Variants in EPB41L2 observed in about 807,000 individuals in gnomAD.
EPB41L2 encodes the protein band 4.1-like protein 2.
A neutral mutation model predicts 113.0 loss-of-function variants in EPB41L2; 43 were observed. That is an observed-to-expected ratio of 0.38 (90% confidence interval 0.30 to 0.49). The LOEUF is 0.49. EPB41L2 is among the 20% of genes least tolerant of loss of function. The pLI is 0.95. For missense variants in EPB41L2, 1,147 were observed against 1,223.4 expected, an observed-to-expected ratio of 0.94 and a Z score of 0.93; for synonymous variants, 442 against 436.7, an observed-to-expected ratio of 1.01 and a Z score of -0.15.
intron 5 of EPB41L2, among the ~76,000 whole-genome samples, chr6:130,905,131 GTA>G (rs1215361325): frequency 6.6e-6 from 1 of 152,022 alleles, no homozygotes; most frequent in African/African-American, 2.4e-5. Flanking sequence ...AAGTATATTC[GTA>G]TATAACATAC....
chr6:130,880,227 C>A, intron 12 of EPB41L2, 21 bp from the exon 13 acceptor site: 3 of 1,576,006 alleles, frequency 1.9e-6, no homozygotes, highest in Non-Finnish European at 1.7e-6. Flanking sequence ...AAATCACACA[C>A]AGGGGGGAAA....
chr6:130,947,177 T>A (rs1333341807), intron 3 of EPB41L2, among the ~76,000 whole-genome samples: 3 of 152,090 alleles, frequency 2.0e-5, no homozygotes, highest in Admixed American at 6.6e-5. Flanking sequence ...TCAGTTTTAA[T>A]CTTCTCATCC....
intron 1 of EPB41L2, among the ~76,000 whole-genome samples, chr6:130,971,773 C>A (rs139064575): frequency 9.9e-4 from 151 of 152,274 alleles, no homozygotes; most frequent in African/African-American, 3.4e-3. Context: ...TAAGGGGAGG[C>A]CTACTGTACA....
At chr6:130,976,894 C>T (rs895971639) in intron 1 of EPB41L2, among the ~76,000 whole-genome samples, 2 of 152,110 alleles carry the variant, frequency 1.3e-5, no homozygotes, top group Non-Finnish European at 2.9e-5. Flanking sequence ...AAAGTTCTTG[C>T]CCACAAGAAT....
At chr6:131,020,124 G>A (rs1465486593) in intron 1 of EPB41L2, among the ~76,000 whole-genome samples, 1 of 151,872 alleles carries the variant, frequency 6.6e-6, no homozygotes, top group Non-Finnish European at 1.5e-5. Context: ...AATCTGAGAT[G>A]GTAAATATTT....
intron 4 of EPB41L2, among the ~76,000 whole-genome samples, chr6:130,925,566 T>C (rs1462392940): frequency 1.3e-5 from 2 of 152,142 alleles, no homozygotes; most frequent in Non-Finnish European, 2.9e-5. Flanking sequence ...TACTGAATTG[T>C]CCCTCTACTT....
rs3777451 is a variant in EPB41L2 at position 130,912,479 on chromosome 6, G to A, written c.811-3616C>T. On this transcript the variant is annotated intron_variant, in intron 4 of 19. Coordinates refer to ENST00000337057, the MANE Select transcript of EPB41L2 (RefSeq NM_001431.4). ...ACTCGGGGTAGCAAGGATCCAAGGTGTACATGGCTCTGTTCTAACACTGGT... is the reference window on the plus strand; with the variant it reads ...ACTCGGGGTAGCAAGGATCCAAGGTATACATGGCTCTGTTCTAACACTGGT... Among the ~76,000 whole-genome samples, 3,002 of 152,256 alleles carry A rather than the reference G, an allele frequency of 0.02. 192 individuals carry two copies. In the East Asian group the frequency reaches 0.26, roughly 13 times the overall value.
At chr6:130,934,794 TTC>T (rs1808200007) in intron 3 of EPB41L2, among the ~76,000 whole-genome samples, 1 of 135,778 alleles carries the variant, frequency 7.4e-6, no homozygotes, top group African/African-American at 3.2e-5. Flanking sequence ...TCTTTTTGTT[TTC>T]TTTTTTTTTT....
intron 1 of EPB41L2, among the ~76,000 whole-genome samples, chr6:131,000,387 A>G (rs974803246): frequency 6.6e-6 from 1 of 152,098 alleles, no homozygotes; most frequent in African/African-American, 2.4e-5. Flanking sequence ...CCCCTCAAAT[A>G]TAATTTGTAA....
intron 15 of EPB41L2, 112 bp from the exon 16 acceptor site, chr6:130,867,693 C>T (rs759010281): frequency 4.4e-6 from 6 of 1,371,624 alleles, no homozygotes; most frequent in Middle Eastern, 2.0e-4. Context: ...CACTCATGCA[C>T]AAAAGAAAAG....
At chr6:131,051,961 G>A (rs1158055393) in intron 1 of EPB41L2, among the ~76,000 whole-genome samples, 1 of 149,834 alleles carries the variant, frequency 6.7e-6, no homozygotes, top group Non-Finnish European at 1.5e-5. Flanking sequence ...TTTTGAGACG[G>A]AGTCTTACTC....
chr6:131,020,359 A>G (rs1360225321), intron 1 of EPB41L2, among the ~76,000 whole-genome samples: 4 of 151,832 alleles, frequency 2.6e-5, no homozygotes, highest in Non-Finnish European at 5.9e-5. Context: ...TTTTCATTTA[A>G]TATGTCTGTA....
intron 19 of EPB41L2, among the ~76,000 whole-genome samples, chr6:130,850,803 G>A (rs1778571568): frequency 6.6e-6 from 1 of 152,206 alleles, no homozygotes; most frequent in Non-Finnish European, 1.5e-5. Flanking sequence ...ACTACTGCCT[G>A]GTCTTAATGT....
rs745805908 is a variant in EPB41L2, at chr6:130,869,680, G to A, written c.2490C>T (p.His830=). 27 of 1,613,968 alleles carry A rather than the reference G, an allele frequency of 1.7e-5. No homozygotes were observed. Among genetic ancestry groups the A allele is most frequent in the East Asian group, 1.1e-4 (5 of 44,882 alleles). Residue 830 remains histidine (H), a synonymous_variant, in exon 15 of 20, where the codon CAC becomes CAT. Transcript: ENST00000337057. Reference sequence around the variant, plus strand: ...CCATGTCTTGCTTAAGAGCGCCTTCGTGTACACTCTTCTCTCCGGGTATCT... The same window carrying A: ...CCATGTCTTGCTTAAGAGCGCCTTCATGTACACTCTTCTCTCCGGGTATCT... ...AQKIPGEKSV[H]EGALKQDMGE...
At chr6:131,039,785 A>G (rs1016438016) in intron 1 of EPB41L2, among the ~76,000 whole-genome samples, 1 of 152,166 alleles carries the variant, frequency 6.6e-6, no homozygotes, top group African/African-American at 2.4e-5. Context: ...TGACTGAAAC[A>G]CTGAATATAT....
chr6:130,987,695 A>G (rs1360119913), intron 1 of EPB41L2, among the ~76,000 whole-genome samples: 6 of 148,208 alleles, frequency 4.0e-5, no homozygotes, highest in African/African-American at 1.0e-4. Context: ...TCTGTCTCAT[A>G]AATGAATGAA....
chr6:131,042,148 A>C (rs1409233729), intron 1 of EPB41L2, among the ~76,000 whole-genome samples: 1 of 152,172 alleles, frequency 6.6e-6, no homozygotes, highest in African/African-American at 2.4e-5. Context: ...CTATGTTTGC[A>C]TACACCTCCA....
chr6:130,910,424 C>T (rs1037775796), intron 4 of EPB41L2, among the ~76,000 whole-genome samples: 3 of 152,158 alleles, frequency 2.0e-5, no homozygotes, highest in Admixed American at 6.5e-5. Context: ...CATAACAATC[C>T]TAGAAGAAAA....
At chr6:131,061,630 C>A (rs1798671287) in intron 1 of EPB41L2, among the ~76,000 whole-genome samples, 2 of 152,136 alleles carry the variant, frequency 1.3e-5, no homozygotes, top group South Asian at 4.1e-4. Flanking sequence ...CTATTCGTTC[C>A]CCCACTGAAA....
Sources: allele counts gnomAD v4.1 joint callset (sites outside exome capture counted in the v4.1 genomes callset), GRCh38; gene constraint gnomAD v4.1.1; transcripts MANE v1.5; gene names NCBI Gene and HGNC (gene_info 2026-07-23, HGNC 2026-07-21).